Variants in ZGRF1 observed in about 807,000 individuals in gnomAD.
ZGRF1 encodes the protein 5'-3' DNA helicase ZGRF1.
A neutral mutation model predicts 203.5 loss-of-function variants in ZGRF1; 196 were observed. That is an observed-to-expected ratio of 0.96 (90% CI 0.86 to 1.08). The LOEUF is 1.08. Among genes scored for constraint, ZGRF1 ranks in the 50% least tolerant of loss-of-function variants. The pLI is 0.00. For synonymous variants in ZGRF1, 809 were observed against 841.3 expected (o/e 0.96, Z 0.66); for missense variants, 2,326 against 2,416.3 (o/e 0.96, Z 0.78).
rs944436680 is a variant in ZGRF1, at chr4:112,619,159, A to G, written c.883T>C (p.Tyr295His). ...GSLKIATKPK[Y>H]LIQQEECAEM... ...GCACACTCTTCCTGTTGAATTAGGT[A>G]CTTTGGTTTAGTAGCAATTTTTAAA... The change falls in exon 6 of 28, where the codon TAC becomes CAC. Residue 295 changes from tyrosine (Y) to histidine (H), a missense_variant. Coordinates refer to ENST00000505019, the MANE Select transcript of ZGRF1 (RefSeq NM_018392.5). The G allele has an allele frequency of 5.0e-6, 8 of 1,613,560 alleles. No individual in the cohort carries two copies. Among genetic ancestry groups the G allele is most frequent in the Middle Eastern group, 1.6e-4 (1 of 6,082 alleles).
Position 112,631,196 on chromosome 4 carries a change from C to G in ZGRF1, c.102+734G>C, listed in dbSNP as rs2047397584. 2.0e-5 allele frequency among the ~76,000 whole-genome samples: 3 copies of G among 152,048 alleles called. No homozygotes were observed. The South Asian group carries it at 6.2e-4, about 31-fold the overall frequency. The stretch of plus-strand genomic sequence containing the variant: ...TTTAATTTTTTTGTAGAGACAGAGT[C>G]TTGCTTCGCTGCCCAGGCTGGTCTT... On this transcript the variant is annotated intron_variant, in intron 3 of 27. Transcript: ENST00000505019.
chr4:112,603,083 G>A (rs1008440949), intron 10 of ZGRF1, among the ~76,000 whole-genome samples: 6 of 151,694 alleles, frequency 4.0e-5, no homozygotes, highest in African/African-American at 1.5e-4. Context: ...AAATCTCTTT[G>A]ATGAACACTG....
intron 15 of ZGRF1, among the ~76,000 whole-genome samples, 200 bp from the exon 16 acceptor site, chr4:112,582,002 GAGAT>G (rs1342485973): frequency 3.9e-5 from 6 of 152,150 alleles, no homozygotes; most frequent in Admixed American, 1.3e-4. Context: ...AGAAGAGACT[GAGAT>G]AGAAAAGTAT....
chr4:112,606,972 A>C (rs1020915204), intron 8 of ZGRF1, among the ~76,000 whole-genome samples: 3 of 152,246 alleles, frequency 2.0e-5, no homozygotes, highest in African/African-American at 7.2e-5. Context: ...TGTTTAACAA[A>C]TATGAAGAAA....
intron 16 of ZGRF1, among the ~76,000 whole-genome samples, chr4:112,569,998 A>G (rs893834012): frequency 2.0e-5 from 3 of 152,178 alleles, no homozygotes; most frequent in Non-Finnish European, 4.4e-5. Flanking sequence ...TTTAAAACAT[A>G]TATGTACCCA....
intron 9 of ZGRF1, 144 bp from the exon 10 acceptor site, chr4:112,603,841 G>A (rs557075507): frequency 2.0e-5 from 11 of 553,960 alleles, no homozygotes; most frequent in African/African-American, 3.7e-5. Context: ...GCTGAAAACC[G>A]GGAAATTCTC....
chr4:112,554,899 T>A, intron 20 of ZGRF1, 117 bp from the exon 21 acceptor site: 1 of 509,496 alleles, frequency 2.0e-6, no homozygotes, highest in Non-Finnish European at 3.4e-6. Context: ...TTATAAAATT[T>A]AATGTGAAAT....
At chr4:112,554,820 G>A in intron 20 of ZGRF1, 38 bp from the exon 21 acceptor site, 1 of 1,097,860 alleles carries the variant, frequency 9.1e-7, no homozygotes, top group Non-Finnish European at 1.3e-6. Flanking sequence ...TGATTATTTA[G>A]GAAACAGAAT....
Position 112,618,944 on chromosome 4 carries a change from A to C in ZGRF1, c.1098T>G (p.Leu366=). The C allele has an allele frequency of 6.2e-7, 1 of 1,613,782 alleles. No homozygotes were observed. The highest frequency in any genetic ancestry group is 8.5e-7 in the Non-Finnish European group (1 of 1,179,910). The change falls in exon 6 of 28, where the codon CTT becomes CTG. Residue 366 remains leucine, a synonymous_variant. Coordinates refer to ENST00000505019, the MANE Select transcript of ZGRF1 (RefSeq NM_018392.5). The part of the protein sequence containing the change: ...EDDVNSNLKD[L]SLQKIIQFVE... ...CGAACTGTATAATTTTTTGTAATGA[A>C]AGGTCTTTCAAATTAGAATTTACAT... is the stretch of plus-strand genomic sequence containing the variant.
chr4:112,559,695 T>C (rs1310264936), intron 19 of ZGRF1, among the ~76,000 whole-genome samples: 1 of 152,172 alleles, frequency 6.6e-6, no homozygotes, highest in African/African-American at 2.4e-5. Context: ...TCCAACCCTA[T>C]GAGGTGAATG....
At position 112,634,563 on chromosome 4, in the gene ZGRF1, A is replaced by G. The variant is rs903845441; in HGVS notation, c.-66-1321T>C. ...CTACTTGGGAGGCTGAGGCAGGAGA[A>G]TCACTTGAACCCAGGAGGCAGAGGC... On this transcript the variant is annotated intron_variant, in intron 1 of 27. Coordinates refer to ENST00000505019, the MANE Select transcript of ZGRF1 (RefSeq NM_018392.5). 3.3e-5 allele frequency among the ~76,000 whole-genome samples: 5 copies of G among 152,154 alleles called. No individual in the cohort carries two copies. The East Asian group carries it at 9.7e-4, about 29-fold the overall frequency.
At chr4:112,632,725 T>C (rs1315777067) in intron 2 of ZGRF1, among the ~76,000 whole-genome samples, 1 of 152,238 alleles carries the variant, frequency 6.6e-6, no homozygotes, top group Non-Finnish European at 1.5e-5. Context: ...TTGGGGTCAA[T>C]AATTTTCTAA....
In ZGRF1 at chr4:112,618,976, C is replaced by T; in HGVS notation, c.1066G>A (p.Glu356Lys). ...NDTERKPKAQ[E>K]DDVNSNLKDL... Reference sequence around the variant, plus strand: ...TTCAAATTAGAATTTACATCATCTTCCTGGGCCTTGGGTTTCCTTTCTGTA... The same window carrying T: ...TTCAAATTAGAATTTACATCATCTTTCTGGGCCTTGGGTTTCCTTTCTGTA... The change falls in exon 6 of 28, where the codon GAA becomes AAA. Residue 356 changes from glutamate to lysine, a missense_variant. By Grantham distance (56) the Glu-to-Lys change is moderately conservative (BLOSUM62 1). Coordinates refer to ENST00000505019, the MANE Select transcript of ZGRF1 (RefSeq NM_018392.5). The T allele has an allele frequency of 1.2e-6, 2 of 1,613,676 alleles. No individual in the cohort carries two copies. The highest frequency in any genetic ancestry group is 1.7e-6 in the Non-Finnish European group (2 of 1,179,810).
At chr4:112,593,674 A>G (rs928818081) in intron 10 of ZGRF1, among the ~76,000 whole-genome samples, 1 of 152,050 alleles carries the variant, frequency 6.6e-6, no homozygotes, top group Admixed American at 6.6e-5. Flanking sequence ...CAACTTTTCA[A>G]TCTCAGGGAA....
intron 3 of ZGRF1, among the ~76,000 whole-genome samples, chr4:112,630,197 T>C (rs1484166907): frequency 6.6e-6 from 1 of 152,090 alleles, no homozygotes; most frequent in Non-Finnish European, 1.5e-5. Flanking sequence ...TTTAACAAAT[T>C]AAATATTAAG....
intron 20 of ZGRF1, among the ~76,000 whole-genome samples, chr4:112,557,647 C>T (rs955093362): frequency 1.3e-5 from 2 of 152,152 alleles, no homozygotes; most frequent in Non-Finnish European, 1.5e-5. Context: ...CTGCACATGC[C>T]GTGGGTTGAG....
chr4:112,556,967 C>T (rs1741057691), intron 20 of ZGRF1, among the ~76,000 whole-genome samples: 1 of 152,128 alleles, frequency 6.6e-6, no homozygotes, highest in African/African-American at 2.4e-5. Flanking sequence ...TACTGTAATA[C>T]TTCTTTGCAT....
rs573552284 is a variant in ZGRF1 at position 112,559,276 on chromosome 4, G to A, written c.4961-967C>T. Among the ~76,000 whole-genome samples the A allele has an allele frequency of 3.3e-5, 5 of 152,206 alleles. No homozygotes were observed. In the South Asian group the frequency reaches 1.0e-3, roughly 32 times the overall value. On this transcript the variant is annotated intron_variant, in intron 19 of 27. Coordinates refer to ENST00000505019, the MANE Select transcript of ZGRF1 (RefSeq NM_018392.5). ...TGCAGTGGCGCAATCGTGACTCACT[G>A]CAACCTCTGCCTCCCAGGCTCAAGC... is the stretch of plus-strand genomic sequence containing the variant.
chr4:112,577,294 G>C (rs1412871248), intron 16 of ZGRF1, among the ~76,000 whole-genome samples: 1 of 122,772 alleles, frequency 8.1e-6, no homozygotes, highest in Non-Finnish European at 1.8e-5. Context: ...AACATGGAAA[G>C]GAATAACTGG....
Sources: allele counts gnomAD v4.1 joint callset (sites outside exome capture counted in the v4.1 genomes callset), GRCh38; gene constraint gnomAD v4.1.1; transcripts MANE v1.5; gene names NCBI Gene and HGNC (gene_info 2026-07-23, HGNC 2026-07-21).